The following AGAP1 variants were observed in gnomAD, a reference collection of about 807,000 sequenced individuals.
The protein encoded by AGAP1 is arf-GAP with GTPase, ANK repeat and PH domain-containing protein 1.
A neutral mutation model predicts 105.3 loss-of-function variants in AGAP1; 29 were observed. That is an observed-to-expected ratio of 0.28 (90% CI 0.21 to 0.38). The LOEUF is 0.38. Ranked by LOEUF, AGAP1 falls within the 10% of genes least tolerant of loss-of-function variation. The pLI is 1.00. For missense variants in AGAP1, 998 were observed against 1,165.1 expected (o/e 0.86, Z 2.09); for synonymous variants, 509 against 485.9 (o/e 1.05, Z -0.63).
At chr2:235,498,742 A>G (rs1172635435) in intron 1 of AGAP1, among the ~76,000 whole-genome samples, 1 of 152,198 alleles carries the variant, frequency 6.6e-6, no homozygotes. Flanking sequence ...GTTCCCACGC[A>G]TCGCCGGGAA....
intron 12 of AGAP1, among the ~76,000 whole-genome samples, chr2:235,935,823 T>C (rs1364436484): frequency 1.3e-5 from 2 of 152,148 alleles, no homozygotes; most frequent in Admixed American, 1.3e-4. Flanking sequence ...AGCATCACTG[T>C]GGGTAGCAGG....
intron 1 of AGAP1, among the ~76,000 whole-genome samples, chr2:235,584,961 G>A (rs953559294): frequency 7.2e-5 from 9 of 124,934 alleles, no homozygotes; most frequent in Non-Finnish European, 1.1e-4. Flanking sequence ...CCTTTTAGGC[G>A]TCACCCCCCT....
At chr2:236,072,969 A>G (rs774515427) in intron 16 of AGAP1, among the ~76,000 whole-genome samples, 4 of 152,094 alleles carry the variant, frequency 2.6e-5, no homozygotes, top group Non-Finnish European at 5.9e-5. Flanking sequence ...ATAGCAAGCA[A>G]TGTAAAAAAG....
At position 236,038,613 on chromosome 2, in the gene AGAP1, G is replaced by A. The variant is rs1255394655; in HGVS notation, c.1800+1898G>A. Among the ~76,000 whole-genome samples the A allele has an allele frequency of 6.6e-6, 1 of 152,242 alleles. No individual in the cohort carries two copies. The highest frequency in any genetic ancestry group is 1.9e-4 in the East Asian group (1 of 5,200). On this transcript the variant is annotated intron_variant, in intron 14 of 17. Transcript: ENST00000304032. This position sits in a 1 kb window ranked among gnomAD's most constrained non-coding sequence, Gnocchi z 4.5. Reference sequence around the variant, plus strand: ...TCGTGGGCATTGGTTGAACAGGTGTGAGGGCATAAAACATGGAAATACTGT... The same window carrying A: ...TCGTGGGCATTGGTTGAACAGGTGTAAGGGCATAAAACATGGAAATACTGT...
rs1949609304 is a variant in AGAP1, at chr2:235,689,028, G to C, written c.164-20151G>C. The stretch of plus-strand genomic sequence containing the variant: ...ATTCCAGCAACAACCCTGTGCGGTA[G>C]ATTATTGTCCCATAAATCTATAAGA... On this transcript the variant is annotated intron_variant, in intron 1 of 17. Coordinates refer to ENST00000304032, the MANE Select transcript of AGAP1 (RefSeq NM_001037131.3). This position sits in a 1 kb window ranked among gnomAD's most constrained non-coding sequence, Gnocchi z 4.2. 4.6e-5 allele frequency among the ~76,000 whole-genome samples: 7 copies of C among 151,240 alleles called. No individual in the cohort carries two copies. In the South Asian group the frequency reaches 1.2e-3, roughly 27 times the overall value.
intron 1 of AGAP1, among the ~76,000 whole-genome samples, chr2:235,590,461 TG>T (rs1485177462): frequency 1.3e-5 from 2 of 152,062 alleles, no homozygotes; most frequent in Admixed American, 6.6e-5. Context: ...TTGAAGCTGT[TG>T]ATCAACAGGT....
Position 236,010,303 on chromosome 2 carries a change from C to T in AGAP1, c.1646-26258C>T, listed in dbSNP as rs369023133. On this transcript the variant is annotated intron_variant, in intron 13 of 17. Coordinates refer to ENST00000304032, the MANE Select transcript of AGAP1 (RefSeq NM_001037131.3). ...CAGCTACTCTAACTTAGTAGAAAGA[C>T]GTAGTAAGCTGCACACTTTCCCCTT... is the stretch of plus-strand genomic sequence containing the variant. Among the ~76,000 whole-genome samples the T allele has an allele frequency of 3.9e-4, 59 of 152,208 alleles. No homozygotes were observed. In the East Asian group the frequency reaches 0.011, roughly 27 times the overall value.
intron 6 of AGAP1, chr2:235,774,472 A>G (rs747826919): frequency 2.4e-6 from 1 of 424,098 alleles, no homozygotes; most frequent in South Asian, 1.7e-5. Flanking sequence ...GGGCAAGACC[A>G]GTAGGCTAAT....
rs1405001761 is a variant in AGAP1, at chr2:235,883,899, A to G, written c.1155+450A>G. Among the ~76,000 whole-genome samples, 1 of 152,214 alleles carries G rather than the reference A, an allele frequency of 6.6e-6. No homozygotes were observed. Among genetic ancestry groups the G allele is most frequent in the African/African-American group, 2.4e-5 (1 of 41,456 alleles). ...CTCAGCTTTTATTGTCAGATAACAC[A>G]TTCCAGTGCATTAGGCAAAAGAAAC... On this transcript the variant is annotated intron_variant, in intron 10 of 17. Transcript: ENST00000304032. The surrounding 1 kb of genome is among the most constrained non-coding windows in gnomAD (Gnocchi z 4.5).
rs2149343454 is a variant in AGAP1 at position 235,663,800 on chromosome 2, T to G, written c.164-45379T>G. 6.6e-6 allele frequency among the ~76,000 whole-genome samples: 1 copy of G among 152,282 alleles called. No homozygotes were observed. Among genetic ancestry groups the G allele is most frequent in the East Asian group, 1.9e-4 (1 of 5,182 alleles). ...TGTGCTTTGAGAAGGAATGTCTGCATGAAGACCATCGTACAGATGGCGATA... is the reference window on the plus strand; with the variant it reads ...TGTGCTTTGAGAAGGAATGTCTGCAGGAAGACCATCGTACAGATGGCGATA... On this transcript the variant is annotated intron_variant, in intron 1 of 17. Coordinates refer to ENST00000304032, the MANE Select transcript of AGAP1 (RefSeq NM_001037131.3). The surrounding 1 kb of genome is among the most constrained non-coding windows in gnomAD (Gnocchi z 5.4).
chr2:235,639,321 A>G lies in AGAP1; in HGVS notation c.164-69858A>G, dbSNP rs1299554485. Among the ~76,000 whole-genome samples, 1 of 152,100 alleles carries G rather than the reference A, an allele frequency of 6.6e-6. No homozygotes were observed. The highest frequency in any genetic ancestry group is 1.9e-4 in the East Asian group (1 of 5,164). ...GCATCCATTTGAAGGTTATGGGAAG[A>G]TGGAAAGCACGCCCTGGAGGTGGGT... is the stretch of plus-strand genomic sequence containing the variant. On this transcript the variant is annotated intron_variant, in intron 1 of 17. Transcript: ENST00000304032. This position sits in a 1 kb window ranked among gnomAD's most constrained non-coding sequence, Gnocchi z 5.3.
intron 12 of AGAP1, among the ~76,000 whole-genome samples, chr2:235,948,532 C>G (rs1395898086): frequency 6.6e-6 from 1 of 152,174 alleles, no homozygotes; most frequent in African/African-American, 2.4e-5. Flanking sequence ...AATTTCATAA[C>G]GAGAACACAA....
At chr2:235,587,411 A>T (rs565931342) in intron 1 of AGAP1, among the ~76,000 whole-genome samples, 4 of 152,280 alleles carry the variant, frequency 2.6e-5, no homozygotes, top group Admixed American at 2.6e-4. Flanking sequence ...GATGCTCACC[A>T]TGTGCTGGGT....
Position 235,747,846 on chromosome 2 carries a change from G to A in AGAP1, c.539-2508G>A, listed in dbSNP as rs1406083052. ...TTCCTGCTGCTTTGGGGTAGGCAGCGTTAGAGGTCAGAGCATATGGGATGG... is the reference window on the plus strand; with the variant it reads ...TTCCTGCTGCTTTGGGGTAGGCAGCATTAGAGGTCAGAGCATATGGGATGG... On this transcript the variant is annotated intron_variant, in intron 5 of 17. Transcript: ENST00000304032. This position sits in a 1 kb window ranked among gnomAD's most constrained non-coding sequence, Gnocchi z 5.0. 4.6e-5 allele frequency among the ~76,000 whole-genome samples: 7 copies of A among 152,208 alleles called. No individual in the cohort carries two copies. The South Asian group carries it at 8.3e-4, about 18-fold the overall frequency.
chr2:235,944,140 A>C (rs890000763), intron 12 of AGAP1, among the ~76,000 whole-genome samples: 4 of 152,222 alleles, frequency 2.6e-5, no homozygotes, highest in African/African-American at 7.2e-5. Context: ...TTGCAGGGAA[A>C]TATTTCTATG....
chr2:235,941,084 T>G (rs2053237509), intron 12 of AGAP1, among the ~76,000 whole-genome samples: 2 of 152,252 alleles, frequency 1.3e-5, no homozygotes, highest in African/African-American at 4.8e-5. Flanking sequence ...CTTTAGAAAC[T>G]GGTTCTTAAC....
rs1207293336 is a variant in AGAP1, at chr2:236,027,136, A to G, written c.1646-9425A>G. Among the ~76,000 whole-genome samples the G allele has an allele frequency of 2.0e-5, 3 of 152,214 alleles. No homozygotes were observed. Among genetic ancestry groups the G allele is most frequent in the East Asian group, 1.9e-4 (1 of 5,192 alleles). On this transcript the variant is annotated intron_variant, in intron 13 of 17. Coordinates refer to ENST00000304032, the MANE Select transcript of AGAP1 (RefSeq NM_001037131.3). The surrounding 1 kb of genome is among the most constrained non-coding windows in gnomAD (Gnocchi z 4.4). ...TGTAACATGACTATGCAGTTGCTCT[A>G]TAATCCTTGTACTTATTTTTTTTAA...
rs140138061 is a variant in AGAP1, at chr2:236,038,775, G to A, written c.1801-1976G>A. On this transcript the variant is annotated intron_variant, in intron 14 of 17. Transcript: ENST00000304032. This position sits in a 1 kb window ranked among gnomAD's most constrained non-coding sequence, Gnocchi z 4.5. ...CAGACAGACAAACCAACCAACCACA[G>A]AAATGATACAGGTACACAGAGAGAC... 1.4e-4 allele frequency among the ~76,000 whole-genome samples: 22 copies of A among 151,972 alleles called. No individual in the cohort carries two copies. Among genetic ancestry groups the A allele is most frequent in the African/African-American group, 5.1e-4 (21 of 41,404 alleles).
At chr2:235,851,497 A>C (rs919764526) in intron 9 of AGAP1, among the ~76,000 whole-genome samples, 3 of 150,892 alleles carry the variant, frequency 2.0e-5, no homozygotes, top group African/African-American at 7.3e-5. Context: ...GTTTCAGAGA[A>C]TTTTTTTTTT....
Sources: gnomAD v4.1 joint callset for allele counts (sites outside exome capture counted in the v4.1 genomes callset) on GRCh38, gnomAD v4.1.1 for gene constraint, Gnocchi (gnomAD v3.1) non-coding constraint, MANE v1.5 for transcripts, NCBI Gene and HGNC (gene_info 2026-07-23, HGNC 2026-07-21) for gene names.